Variants in CDH1 observed in about 807,000 individuals in gnomAD.
The protein encoded by CDH1 is cadherin 1.
A neutral mutation model predicts 84.5 loss-of-function variants in CDH1; 35 were observed. The observed-to-expected ratio is 0.41, with a 90% CI of 0.32 to 0.55. The LOEUF (loss-of-function observed/expected upper bound fraction) is 0.55, where lower values mean the gene tolerates loss of function less well. CDH1 is among the 20% of genes least tolerant of loss of function. The pLI, the probability that CDH1 is intolerant of heterozygous loss-of-function variation, is 0.19. For missense variants in CDH1, 994 were observed against 1,126.6 expected (o/e 0.88, Z 1.68); for synonymous variants, 417 against 439.0 (o/e 0.95, Z 0.63).
chr16:68,757,237 C>T (rs1039165307), intron 2 of CDH1, among the ~76,000 whole-genome samples: 4 of 151,930 alleles, frequency 2.6e-5, no homozygotes, highest in African/African-American at 4.8e-5. Context: ...TATAGGCCAG[C>T]GCCACCATGC....
At chr16:68,807,540 A>G (rs907036564) in intron 3 of CDH1, among the ~76,000 whole-genome samples, 2 of 151,886 alleles carry the variant, frequency 1.3e-5, no homozygotes, top group Admixed American at 1.3e-4. Flanking sequence ...TTAGGTGCAC[A>G]TGGTGGTGCA....
At chr16:68,816,881 T>C (rs1403971991) in intron 10 of CDH1, among the ~76,000 whole-genome samples, 1 of 152,208 alleles carries the variant, frequency 6.6e-6, no homozygotes, top group East Asian at 1.9e-4. Context: ...AAAAGAATGA[T>C]GAAAAGTCAA....
In CDH1 at chr16:68,758,193, G is replaced by A. The variant is rs1963068045; in HGVS notation, c.163+19782G>A. ...CCCCACCCCATTTTGCCTAGGGTAG[G>A]CTTCTTTTTATTTCTTTTTTTTTTT... On this transcript the variant is annotated intron_variant, in intron 2 of 15. Coordinates refer to ENST00000261769, the MANE Select transcript of CDH1 (RefSeq NM_004360.5). Among the ~76,000 whole-genome samples, 2 of 139,778 alleles carry A rather than the reference G, an allele frequency of 1.4e-5. 1 individual carries two copies. The highest frequency in any genetic ancestry group is 4.5e-4 in the South Asian group (2 of 4,404). The allele number at this position is 139,778 out of a possible 152,430, so 91.7% of individuals were successfully genotyped here. A position where few individuals can be genotyped will look rare whatever the true frequency, so the allele number is the denominator to read the frequency against.
At chr16:68,759,220 G>A (rs1307035184) in intron 2 of CDH1, among the ~76,000 whole-genome samples, 1 of 152,158 alleles carries the variant, frequency 6.6e-6, no homozygotes, top group Non-Finnish European at 1.5e-5. Context: ...GGATTACAGG[G>A]GGCACAGTGG....
At chr16:68,745,549 A>AATATATATATATATATGTAT (rs1555510456) in intron 2 of CDH1, among the ~76,000 whole-genome samples, 9 of 75,190 alleles carry the variant, frequency 1.2e-4, no homozygotes, top group African/African-American at 5.0e-4. Flanking sequence ...AAAAAAAAAA[A>AATATATATATATATATGTAT]ATATATATAT....
At chr16:68,750,513 C>A (rs989684952) in intron 2 of CDH1, among the ~76,000 whole-genome samples, 1 of 151,948 alleles carries the variant, frequency 6.6e-6, no homozygotes, top group Non-Finnish European at 1.5e-5. Flanking sequence ...AGATCATAAA[C>A]GGTGGCCAGC....
rs187919101 is a variant in CDH1 at position 68,767,156 on chromosome 16, C to A, written c.163+28745C>A. Reference sequence around the variant, plus strand: ...TATTTTCATAATAGAACACGATGAACCAGACCATCCCTGCTCCATTTTAGA... The same window carrying A: ...TATTTTCATAATAGAACACGATGAAACAGACCATCCCTGCTCCATTTTAGA... On this transcript the variant is annotated intron_variant, in intron 2 of 15. Coordinates refer to ENST00000261769, the MANE Select transcript of CDH1 (RefSeq NM_004360.5). Among the ~76,000 whole-genome samples the A allele has an allele frequency of 9.3e-5, 14 of 150,390 alleles. No homozygotes were observed. The East Asian group carries it at 2.9e-3, about 31-fold the overall frequency.
At chr16:68,774,296 G>A (rs775130086) in intron 2 of CDH1, among the ~76,000 whole-genome samples, 3 of 152,178 alleles carry the variant, frequency 2.0e-5, no homozygotes, top group Non-Finnish European at 4.4e-5. Flanking sequence ...AGGCCGAGTC[G>A]GGCAGATTAC....
chr16:68,833,406 G>T lies in CDH1; in HGVS notation c.2556G>T (p.Glu852Asp), dbSNP rs760315494. 1.9e-6 allele frequency: 3 copies of T among 1,614,200 alleles called. No individual in the cohort carries two copies. Among genetic ancestry groups the T allele is most frequent in the Non-Finnish European group, 1.7e-6 (2 of 1,180,032 alleles). The stretch of plus-strand genomic sequence containing the variant: ...GTCTGAGCTCCCTGAACTCCTCAGA[G>T]TCAGACAAAGACCAGGACTATGACT... ...AASLSSLNSS[E>D]SDKDQDYDYL... The change falls in exon 16 of 16, where the codon GAG becomes GAT. Residue 852 changes from glutamate (E) to aspartate (D), a missense_variant. Physicochemically the swap from Glu to Asp is conservative, Grantham distance 45 (BLOSUM62 2). This residue lies in a region of CDH1 where 769 missense variants were observed against 881.8 expected (regional missense o/e 0.87). Coordinates refer to ENST00000261769, the MANE Select transcript of CDH1 (RefSeq NM_004360.5).
chr16:68,823,814 G>C (rs1158471234), intron 13 of CDH1, among the ~76,000 whole-genome samples, 188 bp downstream of exon 13: 1 of 152,002 alleles, frequency 6.6e-6, no homozygotes, highest in African/African-American at 2.4e-5. Context: ...AGAGGTAAAT[G>C]GTCTAAGATG....
chr16:68,741,855 G>A (rs1428590977), intron 2 of CDH1, among the ~76,000 whole-genome samples: 2 of 152,122 alleles, frequency 1.3e-5, no homozygotes, highest in Non-Finnish European at 2.9e-5. Flanking sequence ...ATTTTTAGTA[G>A]AGACAGGATT....
At chr16:68,741,702 G>A (rs1962566558) in intron 2 of CDH1, among the ~76,000 whole-genome samples, 1 of 151,118 alleles carries the variant, frequency 6.6e-6, no homozygotes, top group Non-Finnish European at 1.5e-5. Context: ...GTTTTGAGAC[G>A]GAGTTTTGCT....
At chr16:68,738,520 G>T in intron 2 of CDH1, 109 bp downstream of exon 2, 4 of 674,004 alleles carry the variant, frequency 5.9e-6, no homozygotes, top group Non-Finnish European at 7.5e-6. Flanking sequence ...TCCCTCCTTG[G>T]CTCAAACGAC....
chr16:68,825,217 C>T (rs9936911), intron 13 of CDH1, among the ~76,000 whole-genome samples: 1,952 of 152,180 alleles, frequency 0.013, 40 homozygotes, highest in African/African-American at 0.045. Flanking sequence ...TCAGAAAAGG[C>T]TGTTAATTGA....
intron 2 of CDH1, among the ~76,000 whole-genome samples, chr16:68,756,861 G>T (rs1963030341): frequency 6.6e-6 from 1 of 152,110 alleles, no homozygotes; most frequent in Non-Finnish European, 1.5e-5. Context: ...AATTACCCAG[G>T]CATGGTGGCG....
intron 3 of CDH1, among the ~76,000 whole-genome samples, chr16:68,807,407 C>T (rs1156691410): frequency 1.3e-5 from 2 of 152,192 alleles, no homozygotes; most frequent in African/African-American, 4.8e-5. Context: ...CGGTGACTCA[C>T]ACCTGTAATC....
chr16:68,752,195 A>G (rs1427696684), intron 2 of CDH1, among the ~76,000 whole-genome samples: 1 of 151,834 alleles, frequency 6.6e-6, no homozygotes. Flanking sequence ...CAGGTGATCC[A>G]CCCGCCTTGG....
chr16:68,804,974 G>C (rs2152128288), intron 3 of CDH1, among the ~76,000 whole-genome samples: 1 of 148,164 alleles, frequency 6.7e-6, no homozygotes, highest in Admixed American at 6.8e-5. Context: ...GGGACCACAG[G>C]GTGCACCACC....
chr16:68,783,887 G>T (rs1959959749), intron 2 of CDH1, among the ~76,000 whole-genome samples: 1 of 149,946 alleles, frequency 6.7e-6, no homozygotes, highest in Non-Finnish European at 1.5e-5. Flanking sequence ...ATGTTGGCCA[G>T]GCTGGTCCTG....
Sources: gnomAD v4.1 joint callset for allele counts (sites outside exome capture counted in the v4.1 genomes callset) on GRCh38, gnomAD v4.1.1 for gene constraint, gnomAD v4.1.1 regional missense constraint, MANE v1.5 for transcripts, NCBI Gene and HGNC (gene_info 2026-07-23, HGNC 2026-07-21) for gene names.